Variants in PLCL1 observed in about 807,000 individuals in gnomAD.
PLCL1 encodes the protein phospholipase C like 1 (inactive), also known as inactive phospholipase C-like protein 1.
In PLCL1, 41 loss-of-function variants were observed where a neutral mutation model predicts 84.4. The ratio of observed to expected loss-of-function variants is 0.49; its 90% CI spans 0.38 to 0.63. The LOEUF is 0.63. Among genes scored for constraint, PLCL1 ranks in the 30% least tolerant of loss-of-function variants. The probability of loss-of-function intolerance (pLI) is 0.00; values close to 1 mark genes in which losing one functional copy is unlikely to be tolerated. For missense variants in PLCL1, 1,206 were observed against 1,367.8 expected (o/e 0.88, Z 1.87); for synonymous variants, 490 against 488.3 (o/e 1.00, Z -0.05).
At chr2:198,076,154 C>A (rs1288442949) in intron 1 of PLCL1, among the ~76,000 whole-genome samples, 1 of 142,110 alleles carries the variant, frequency 7.0e-6, no homozygotes, top group Non-Finnish European at 1.5e-5. Context: ...ACTAACTACC[C>A]ACTCTGAAAT....
chr2:197,829,363 G>A (rs965642403), intron 1 of PLCL1, among the ~76,000 whole-genome samples: 2 of 152,076 alleles, frequency 1.3e-5, no homozygotes, highest in African/African-American at 2.4e-5. Context: ...TTTAAGAGCC[G>A]TGCCCTATCA....
At chr2:198,044,692 A>C (rs1210124817) in intron 1 of PLCL1, among the ~76,000 whole-genome samples, 1 of 152,194 alleles carries the variant, frequency 6.6e-6, no homozygotes, top group Non-Finnish European at 1.5e-5. Flanking sequence ...ATCATGTAGA[A>C]ATTTTGAAAA....
chr2:197,936,918 C>G (rs942638311), intron 1 of PLCL1, among the ~76,000 whole-genome samples: 1 of 152,020 alleles, frequency 6.6e-6, no homozygotes, highest in Non-Finnish European at 1.5e-5. Context: ...GTTTCAGGTC[C>G]TATATTTAAG....
chr2:197,971,546 A>G (rs1281139962), intron 1 of PLCL1, among the ~76,000 whole-genome samples: 2 of 152,204 alleles, frequency 1.3e-5, no homozygotes, highest in Non-Finnish European at 1.5e-5. Flanking sequence ...GGGAGGTGAC[A>G]CAGGGGAAGG....
At chr2:197,952,768 A>G (rs1009049608) in intron 1 of PLCL1, among the ~76,000 whole-genome samples, 4 of 152,070 alleles carry the variant, frequency 2.6e-5, no homozygotes, top group African/African-American at 9.7e-5. Context: ...GTGGTAGTGA[A>G]TAAGTCTCAT....
At chr2:197,851,023 C>G (rs1687226375) in intron 1 of PLCL1, among the ~76,000 whole-genome samples, 1 of 152,228 alleles carries the variant, frequency 6.6e-6, no homozygotes, top group Admixed American at 6.5e-5. Context: ...GGAGCTTCCT[C>G]CCCTTTCCCC....
rs78952090 is a variant in PLCL1 at position 197,918,196 on chromosome 2, C to A, written c.240+112857C>A. 5.9e-3 allele frequency among the ~76,000 whole-genome samples: 896 copies of A among 152,286 alleles called. 9 individuals are homozygous for A. Among genetic ancestry groups the A allele is most frequent in the African/African-American group, 0.021 (859 of 41,552 alleles). On this transcript the variant is annotated intron_variant, in intron 1 of 5. Coordinates refer to ENST00000428675, the MANE Select transcript of PLCL1 (RefSeq NM_006226.4). Reference sequence around the variant, plus strand: ...TCCAAACCCATAACCCCAGTCTGATCATGAGAAAAACATCAGATAAATCCC... The same window carrying A: ...TCCAAACCCATAACCCCAGTCTGATAATGAGAAAAACATCAGATAAATCCC...
intron 1 of PLCL1, among the ~76,000 whole-genome samples, chr2:197,830,516 A>G (rs189817892): frequency 6.6e-6 from 1 of 152,254 alleles, no homozygotes; most frequent in African/African-American, 2.4e-5. Flanking sequence ...GAAATATGGG[A>G]CTATGTGAAA....
At chr2:198,003,928 C>A (rs572335909) in intron 1 of PLCL1, among the ~76,000 whole-genome samples, 8 of 152,158 alleles carry the variant, frequency 5.3e-5, no homozygotes, top group Admixed American at 3.9e-4. Flanking sequence ...TTAGAAGGAA[C>A]TTGACCAAGT....
At position 198,088,930 on chromosome 2, in the gene PLCL1, C is replaced by T; in HGVS notation, c.2788C>T (p.Leu930=). The T allele has an allele frequency of 1.2e-6, 2 of 1,612,758 alleles. No individual in the cohort carries two copies. The highest frequency in any genetic ancestry group is 1.7e-6 in the Non-Finnish European group (2 of 1,178,766). The change falls in exon 3 of 6, where the codon CTG becomes TTG. Residue 930 remains leucine, a synonymous_variant. Coordinates refer to ENST00000428675, the MANE Select transcript of PLCL1 (RefSeq NM_006226.4). The part of the protein sequence containing the change: ...IASLKQCLLT[L]SSRLITSDNT... Reference sequence around the variant, plus strand: ...CAGTCTGAAGCAGTGCCTGTTAACTCTGTCATCTCGGCTCATCACCAGTGA... The same window carrying T: ...CAGTCTGAAGCAGTGCCTGTTAACTTTGTCATCTCGGCTCATCACCAGTGA...
At chr2:198,007,130 A>T (rs754864019) in intron 1 of PLCL1, among the ~76,000 whole-genome samples, 2 of 152,210 alleles carry the variant, frequency 1.3e-5, no homozygotes, top group Non-Finnish European at 1.5e-5. Context: ...CTCAATATTG[A>T]TGATGTGGTA....
chr2:198,141,416 G>A (rs1574342094), intron 5 of PLCL1, among the ~76,000 whole-genome samples: 1 of 149,620 alleles, frequency 6.7e-6, no homozygotes, highest in South Asian at 2.1e-4. Context: ...AGAATTCCAG[G>A]CCATCTTTGA....
chr2:197,966,228 G>T (rs1689730069), intron 1 of PLCL1, among the ~76,000 whole-genome samples: 1 of 151,890 alleles, frequency 6.6e-6, no homozygotes, highest in Non-Finnish European at 1.5e-5. Context: ...GAGCTGTGTT[G>T]CCTGTGGTTG....
Position 197,810,595 on chromosome 2 carries a change from A to T in PLCL1, c.240+5256A>T, listed in dbSNP as rs1039651298. On this transcript the variant is annotated intron_variant, in intron 1 of 5. Transcript: ENST00000428675. Reference sequence around the variant, plus strand: ...AATGTCAATTGAACATTTATTGCCAAATAACACCTCAGGCATAGCAGGGCA... The same window carrying T: ...AATGTCAATTGAACATTTATTGCCATATAACACCTCAGGCATAGCAGGGCA... Among the ~76,000 whole-genome samples the T allele has an allele frequency of 1.0e-3, 158 of 152,214 alleles. 2 individuals carry two copies. Among genetic ancestry groups the T allele is most frequent in the Non-Finnish European group, 6.0e-4 (41 of 68,038 alleles).
intron 1 of PLCL1, among the ~76,000 whole-genome samples, chr2:197,902,478 G>T (rs1464932658): frequency 6.6e-6 from 1 of 152,084 alleles, no homozygotes; most frequent in Non-Finnish European, 1.5e-5. Flanking sequence ...TGTCACAGGA[G>T]GACATCAAGG....
At chr2:198,069,643 C>G (rs932977637) in intron 1 of PLCL1, among the ~76,000 whole-genome samples, 1 of 152,046 alleles carries the variant, frequency 6.6e-6, no homozygotes, top group African/African-American at 2.4e-5. Context: ...AGGCAATAAG[C>G]CTGGTGGTAA....
intron 3 of PLCL1, among the ~76,000 whole-genome samples, chr2:198,098,440 C>CAA (rs1474851436): frequency 6.6e-6 from 1 of 152,086 alleles, no homozygotes; most frequent in African/African-American, 2.4e-5. Flanking sequence ...TGTTTATTAC[C>CAA]AACTTGCACT....
chr2:198,125,864 G>T (rs1001082671), intron 5 of PLCL1, among the ~76,000 whole-genome samples: 1 of 152,064 alleles, frequency 6.6e-6, no homozygotes, highest in Non-Finnish European at 1.5e-5. Flanking sequence ...AGCAAAAATG[G>T]GCCATGGGAT....
intron 1 of PLCL1, among the ~76,000 whole-genome samples, chr2:198,003,705 G>A (rs1690659981): frequency 6.6e-6 from 1 of 152,170 alleles, no homozygotes; most frequent in South Asian, 2.1e-4. Context: ...GTTTGCAGAA[G>A]AATATATGGC....
Sources: allele counts gnomAD v4.1 joint callset (sites outside exome capture counted in the v4.1 genomes callset), GRCh38; gene constraint gnomAD v4.1.1; transcripts MANE v1.5; gene names NCBI Gene and HGNC (gene_info 2026-07-23, HGNC 2026-07-21).